The following NRIP1 variants were observed in gnomAD, a reference collection of about 807,000 sequenced individuals.
NRIP1 encodes the protein nuclear receptor interacting protein 1.
NRIP1 carries 28 observed loss-of-function variants against 75.0 expected under a neutral mutation model. The ratio of observed to expected loss-of-function variants is 0.37; its 90% CI spans 0.28 to 0.51. The LOEUF (loss-of-function observed/expected upper bound fraction) is 0.51. NRIP1 is among the 20% of genes least tolerant of loss of function. The probability of loss-of-function intolerance (pLI) is 0.92; values close to 1 mark genes in which losing one functional copy is unlikely to be tolerated. For synonymous variants in NRIP1, 526 were observed against 487.6 expected (o/e 1.08, Z -1.04); for missense variants, 1,435 against 1,343.7 (o/e 1.07, Z -1.06).
At chr21:14,968,560 G>T in intron 3 of NRIP1, 34 bp from the exon 4 acceptor site, 1 of 182,296 alleles carries the variant, frequency 5.5e-6, no homozygotes. Context: ...AGTTAAGGAG[G>T]CAGAACTAGA....
chr21:14,974,574 C>A (rs927968822), intron 3 of NRIP1, among the ~76,000 whole-genome samples: 1 of 152,128 alleles, frequency 6.6e-6, no homozygotes, highest in Admixed American at 6.5e-5. Flanking sequence ...TGTCCACTTA[C>A]GAACAGTGTC....
At chr21:14,988,952 AGAGGG>A (rs1423039302) in intron 3 of NRIP1, among the ~76,000 whole-genome samples, 1 of 151,968 alleles carries the variant, frequency 6.6e-6, no homozygotes, top group Admixed American at 6.6e-5. Flanking sequence ...AGAGGAGAGG[AGAGGG>A]AAGGGACAGC....
chr21:14,967,942 G>A lies in NRIP1; in HGVS notation c.251C>T (p.Ala84Val). 1 of 1,614,082 alleles carries A rather than the reference G, an allele frequency of 6.2e-7. No individual in the cohort carries two copies. Among genetic ancestry groups the A allele is most frequent in the Non-Finnish European group, 8.5e-7 (1 of 1,180,004 alleles). ...GTCCTCAGAAGACTGCAACAGTCTG[G>A]CTTTTTTGAGGTGCAGCATGCCAGA... ...QGSGMLHLKK[A>V]RLLQSSEDWN... The change falls in exon 4 of 4, where the codon GCC becomes GTC. Residue 84 changes from alanine to valine, a missense_variant. Ala to Val is a moderately conservative substitution (Grantham distance 64). Coordinates refer to ENST00000318948, the MANE Select transcript of NRIP1 (RefSeq NM_003489.4).
chr21:14,966,316 C>T lies in NRIP1; in HGVS notation c.1877G>A (p.Ser626Asn). 1.2e-6 allele frequency: 2 copies of T among 1,614,130 alleles called. No individual in the cohort carries two copies. The highest frequency in any genetic ancestry group is 8.5e-7 in the Non-Finnish European group (1 of 1,179,994). Reference sequence around the variant, plus strand: ...TAAATTTTGTAACAGCTTACTGGCACTAAACGTTGCAGAGTTCTGTGCACC... The same window carrying T: ...TAAATTTTGTAACAGCTTACTGGCATTAAACGTTGCAGAGTTCTGTGCACC... ...NEGAQNSATF[S>N]ASKLLQNLAQ... is the part of the protein sequence containing the mutation. Residue 626 changes from serine to asparagine, a missense_variant, in exon 4 of 4, where the codon AGT becomes AAT. Transcript: ENST00000318948.
chr21:15,050,631 T>G, intron 1 of NRIP1: 1 of 412,614 alleles, frequency 2.4e-6, no homozygotes, highest in Non-Finnish European at 4.9e-6. Context: ...CACTTCAAAC[T>G]CACGTGACCA....
At chr21:14,981,653 T>C (rs912141145) in intron 3 of NRIP1, among the ~76,000 whole-genome samples, 2 of 152,180 alleles carry the variant, frequency 1.3e-5, no homozygotes, top group Non-Finnish European at 1.5e-5. Context: ...CTCTTAACAA[T>C]AAAGAACATT....
intron 2 of NRIP1, among the ~76,000 whole-genome samples, chr21:15,035,406 T>C (rs371870348): frequency 8.9e-4 from 136 of 152,284 alleles, no homozygotes; most frequent in African/African-American, 3.2e-3. Flanking sequence ...CATTTATTCA[T>C]TTCATACAAT....
intron 3 of NRIP1, among the ~76,000 whole-genome samples, chr21:14,995,987 C>T (rs1020257530): frequency 1.3e-5 from 2 of 152,154 alleles, no homozygotes; most frequent in African/African-American, 4.8e-5. Flanking sequence ...AACCTTATCT[C>T]GCATCATTTA....
At chr21:15,001,606 G>T (rs940854473) in intron 3 of NRIP1, among the ~76,000 whole-genome samples, 42 of 150,802 alleles carry the variant, frequency 2.8e-4, no homozygotes, top group South Asian at 6.2e-4. Context: ...TTCTACAACC[G>T]AATAAAACAG....
At chr21:15,000,373 T>C (rs1027931240) in intron 3 of NRIP1, among the ~76,000 whole-genome samples, 4 of 152,138 alleles carry the variant, frequency 2.6e-5, no homozygotes, top group African/African-American at 4.8e-5. Context: ...TAAGCAGTTA[T>C]TATATGCCAG....
intron 3 of NRIP1, among the ~76,000 whole-genome samples, chr21:14,986,727 G>A (rs974617029): frequency 3.9e-5 from 6 of 152,016 alleles, no homozygotes; most frequent in East Asian, 1.9e-4. Context: ...ATTAGAAAAC[G>A]GAGATTTTTG....
rs757700384 is a variant in NRIP1, at chr21:14,967,161, T to A, written c.1032A>T (p.Thr344=). ...SKLMASKSSA[T]VFQNPMGIIP... ...TGATACCCATTGGATTTTGAAACAC[T>A]GTAGCACTACTTTTGCTAGCCATCA... Residue 344 remains threonine (T), a synonymous_variant, in exon 4 of 4, where the codon ACA becomes ACT. Coordinates refer to ENST00000318948, the MANE Select transcript of NRIP1 (RefSeq NM_003489.4). 22 of 1,614,030 alleles carry A rather than the reference T, an allele frequency of 1.4e-5. No homozygotes were observed. In the East Asian group the frequency reaches 4.9e-4, roughly 36 times the overall value.
At chr21:14,993,123 G>A (rs1310556820) in intron 3 of NRIP1, among the ~76,000 whole-genome samples, 1 of 151,912 alleles carries the variant, frequency 6.6e-6, no homozygotes, top group African/African-American at 2.4e-5. Context: ...AATTGCAAAG[G>A]GAAACCTTGT....
intron 2 of NRIP1, among the ~76,000 whole-genome samples, chr21:15,035,865 A>G (rs2088821809): frequency 6.6e-6 from 1 of 152,204 alleles, no homozygotes; most frequent in Admixed American, 6.5e-5. Flanking sequence ...TCTAACAAAT[A>G]CTGTAATGAT....
At chr21:15,033,167 G>A (rs2088749745) in intron 2 of NRIP1, among the ~76,000 whole-genome samples, 1 of 149,772 alleles carries the variant, frequency 6.7e-6, no homozygotes. Flanking sequence ...AGAGCTTGCA[G>A]TGAGCCCAGA....
At chr21:15,025,792 T>A (rs2088502474) in intron 2 of NRIP1, among the ~76,000 whole-genome samples, 1 of 152,072 alleles carries the variant, frequency 6.6e-6, no homozygotes, top group Admixed American at 6.6e-5. Context: ...AAGACAACCC[T>A]AAAGGAAAAG....
rs568627177 is a variant in NRIP1, at chr21:14,989,346, A to C, written c.-334-20820T>G. On this transcript the variant is annotated intron_variant, in intron 3 of 3. Transcript: ENST00000318948. ...TACAGTTTGTAGGGGCGGAACCAAC[A>C]ACAGAATTTCATATTTCTTATTCCG... Among the ~76,000 whole-genome samples, 9 of 152,342 alleles carry C rather than the reference A, an allele frequency of 5.9e-5. No individual in the cohort carries two copies. In the East Asian group the frequency reaches 1.2e-3, roughly 20 times the overall value.
intron 2 of NRIP1, among the ~76,000 whole-genome samples, chr21:15,016,649 C>A (rs2088236753): frequency 6.6e-6 from 1 of 152,106 alleles, no homozygotes; most frequent in Admixed American, 6.5e-5. Flanking sequence ...CTTTGGGAAG[C>A]CGAAATGGGC....
chr21:15,049,302 A>G (rs1289101975), intron 1 of NRIP1, among the ~76,000 whole-genome samples: 2 of 152,158 alleles, frequency 1.3e-5, no homozygotes, highest in East Asian at 3.8e-4. Context: ...AGAGAAGCAT[A>G]GTTTACATGT....
Sources: gnomAD v4.1 joint callset for allele counts (sites outside exome capture counted in the v4.1 genomes callset) on GRCh38, gnomAD v4.1.1 for gene constraint, MANE v1.5 for transcripts, NCBI Gene and HGNC (gene_info 2026-07-23, HGNC 2026-07-21) for gene names.